GALNT18: variants seen among roughly 807,000 people sequenced by gnomAD.
GALNT18 encodes the protein GalNAc-transferase 18.
A neutral mutation model predicts 69.5 loss-of-function variants in GALNT18; 44 were observed. The observed-to-expected ratio is 0.63, with a 90% confidence interval of 0.50 to 0.81. The LOEUF is 0.81. GALNT18 is among the 40% of genes least tolerant of loss of function. The pLI is 0.00. For missense variants in GALNT18, 715 were observed against 810.0 expected (o/e 0.88, Z 1.42); for synonymous variants, 364 against 318.2 (o/e 1.14, Z -1.53).
At chr11:11,391,621 C>T (rs1854192594) in intron 3 of GALNT18, among the ~76,000 whole-genome samples, 1 of 152,230 alleles carries the variant, frequency 6.6e-6, no homozygotes. Flanking sequence ...ACTGCAATCT[C>T]CTGAGGCAGG....
intron 7 of GALNT18, among the ~76,000 whole-genome samples, chr11:11,334,399 C>T (rs934494196): frequency 2.6e-5 from 4 of 151,914 alleles, no homozygotes; most frequent in Admixed American, 1.3e-4. Context: ...AAAAATTAGC[C>T]GGGCATGGTG....
rs993312912 is a variant in GALNT18 at position 11,438,336 on chromosome 11, G to A, written c.429-5549C>T. 7.7e-4 allele frequency among the ~76,000 whole-genome samples: 118 copies of A among 152,284 alleles called. 1 individual carries two copies. Among genetic ancestry groups the A allele is most frequent in the African/African-American group, 2.8e-3 (115 of 41,548 alleles). ...ATCAAGACTGTCCCTCCTTCTGGCT[G>A]GTATCTGTATCCCCATAGCCTCTGG... On this transcript the variant is annotated intron_variant, in intron 2 of 10. Coordinates refer to ENST00000227756, the MANE Select transcript of GALNT18 (RefSeq NM_198516.3).
At chr11:11,298,959 C>T (rs954026475) in intron 9 of GALNT18, among the ~76,000 whole-genome samples, 1 of 152,176 alleles carries the variant, frequency 6.6e-6, no homozygotes, top group Non-Finnish European at 1.5e-5. Flanking sequence ...CCGCCTCCAA[C>T]CTCCACCAGG....
At chr11:11,346,747 G>A (rs1484536584) in intron 6 of GALNT18, among the ~76,000 whole-genome samples, 3 of 152,080 alleles carry the variant, frequency 2.0e-5, no homozygotes, top group Non-Finnish European at 2.9e-5. Flanking sequence ...CTGGGGCAGA[G>A]CAAAATCACA....
intron 9 of GALNT18, among the ~76,000 whole-genome samples, chr11:11,306,091 C>T (rs1173881708): frequency 6.6e-6 from 1 of 152,184 alleles, no homozygotes; most frequent in African/African-American, 2.4e-5. Flanking sequence ...ATGTCTAGAC[C>T]TTACCTGGTC....
At chr11:11,316,354 C>CA (rs1300663975) in intron 9 of GALNT18, among the ~76,000 whole-genome samples, 1 of 152,100 alleles carries the variant, frequency 6.6e-6, no homozygotes, top group Non-Finnish European at 1.5e-5. Flanking sequence ...TCTTGGCACA[C>CA]AAAGGAAAAC....
In GALNT18 at chr11:11,385,327, G is replaced by A. The variant is rs1223617953; in HGVS notation, c.596-6063C>T. ...TTTTTTTTTTTTGAGACAGAGTCTC[G>A]CTCTGTTGCCCAGGATGGAGTGCAG... is the stretch of plus-strand genomic sequence containing the variant. On this transcript the variant is annotated intron_variant, in intron 3 of 10. Coordinates refer to ENST00000227756, the MANE Select transcript of GALNT18 (RefSeq NM_198516.3). Among the ~76,000 whole-genome samples, 166 of 147,934 alleles carry A rather than the reference G, an allele frequency of 1.1e-3. 1 individual carries two copies. The highest frequency in any genetic ancestry group is 3.7e-3 in the African/African-American group (148 of 40,086).
In GALNT18 at chr11:11,620,222, G is replaced by A. The variant is rs565312372; in HGVS notation, c.235+1137C>T. 4.1e-3 allele frequency among the ~76,000 whole-genome samples: 629 copies of A among 152,212 alleles called. 7 individuals carry two copies. The highest frequency in any genetic ancestry group is 4.4e-3 in the Non-Finnish European group (300 of 67,982). ...CCCCTGAGCCTGGTGGGCCTGCTAG[G>A]TTTACAGGGGAACCAAGCTCGGCCC... is the stretch of plus-strand genomic sequence containing the variant. On this transcript the variant is annotated intron_variant, in intron 1 of 10. Transcript: ENST00000227756. The surrounding 1 kb of genome is among the most constrained non-coding windows in gnomAD (Gnocchi z 6.9).
chr11:11,581,011 C>T (rs947012540), intron 1 of GALNT18, among the ~76,000 whole-genome samples: 4 of 152,242 alleles, frequency 2.6e-5, no homozygotes, highest in East Asian at 1.9e-4. Flanking sequence ...CAGCTCCCTG[C>T]GGCCGTTGGA....
At chr11:11,343,196 A>G (rs913816494) in intron 6 of GALNT18, among the ~76,000 whole-genome samples, 4 of 151,808 alleles carry the variant, frequency 2.6e-5, no homozygotes, top group African/African-American at 9.7e-5. Flanking sequence ...ATTTCAAAAA[A>G]AGTTACCCGG....
At chr11:11,367,313 T>C (rs992555194) in intron 6 of GALNT18, among the ~76,000 whole-genome samples, 1 of 152,196 alleles carries the variant, frequency 6.6e-6, no homozygotes, top group Non-Finnish European at 1.5e-5. Context: ...ATTATAACAG[T>C]AGACCATATT....
intron 1 of GALNT18, among the ~76,000 whole-genome samples, chr11:11,521,060 T>C (rs1250749176): frequency 4.0e-5 from 6 of 151,700 alleles, no homozygotes; most frequent in Non-Finnish European, 7.4e-5. Context: ...CATCTCTCAC[T>C]GGGGCTGACA....
rs187444303 is a variant in GALNT18, at chr11:11,616,800, C to T, written c.235+4559G>A. On this transcript the variant is annotated intron_variant, in intron 1 of 10. Transcript: ENST00000227756. This position sits in a 1 kb window ranked among gnomAD's most constrained non-coding sequence, Gnocchi z 4.4. ...ACACTATTTGTACTTGTCACTGTAA[C>T]GGCATAACCTAATCACGTATTATAT... is the stretch of plus-strand genomic sequence containing the variant. Among the ~76,000 whole-genome samples, 45 of 152,288 alleles carry T rather than the reference C, an allele frequency of 3.0e-4. No individual in the cohort carries two copies. Among genetic ancestry groups the T allele is most frequent in the Non-Finnish European group, 5.7e-4 (39 of 68,022 alleles).
intron 6 of GALNT18, among the ~76,000 whole-genome samples, chr11:11,367,530 A>G (rs1487129): frequency 0.24 from 36,792 of 151,996 alleles, 5,048 homozygotes; most frequent in Middle Eastern, 0.32. Flanking sequence ...GGAGTGATTC[A>G]CAGTTGGGGC....
In GALNT18 at chr11:11,603,250, G is replaced by A. The variant is rs148839310; in HGVS notation, c.235+18109C>T. On this transcript the variant is annotated intron_variant, in intron 1 of 10. Transcript: ENST00000227756. The surrounding 1 kb of genome is among the most constrained non-coding windows in gnomAD (Gnocchi z 4.5). ...GACTAAGTGTTGCCACATAAGAACC[G>A]TCCTCCAAGGCTGTAAACAGATTGT... is the stretch of plus-strand genomic sequence containing the variant. Among the ~76,000 whole-genome samples the A allele has an allele frequency of 8.0e-3, 1,214 of 152,226 alleles. 22 individuals are homozygous for A. Among genetic ancestry groups the A allele is most frequent in the African/African-American group, 0.028 (1,150 of 41,530 alleles).
At chr11:11,567,622 C>T (rs1858685155) in intron 1 of GALNT18, among the ~76,000 whole-genome samples, 1 of 152,180 alleles carries the variant, frequency 6.6e-6, no homozygotes, top group Admixed American at 6.5e-5. Context: ...CCAGCCAGCC[C>T]CACCAGGAGA....
Position 11,379,209 on chromosome 11 carries a change from T to C in GALNT18, c.651A>G (p.Pro217=), listed in dbSNP as rs775002438. The C allele has an allele frequency of 5.0e-6, 8 of 1,613,054 alleles. No individual in the cohort carries two copies. The highest frequency in any genetic ancestry group is 2.7e-5 in the African/African-American group (2 of 74,904). Residue 217 remains proline (P), a synonymous_variant, in exon 4 of 11, where the codon CCA becomes CCG. Transcript: ENST00000227756. ...TGTGACGCACGACTTTGATGAAGCC[T>C]GGCTTCTGGCTGTTCACCTTGTCCA... is the stretch of plus-strand genomic sequence containing the variant. The part of the protein sequence containing the change: ...EYVDKVNSQK[P]GFIKVVRHSK...
intron 6 of GALNT18, among the ~76,000 whole-genome samples, chr11:11,346,994 C>A (rs747001003): frequency 6.6e-6 from 1 of 152,134 alleles, no homozygotes; most frequent in Non-Finnish European, 1.5e-5. Flanking sequence ...CAAGCTCCCA[C>A]GAGCAAAGGC....
At chr11:11,464,165 G>A (rs765734191) in intron 1 of GALNT18, among the ~76,000 whole-genome samples, 1 of 152,208 alleles carries the variant, frequency 6.6e-6, no homozygotes, top group East Asian at 1.9e-4. Context: ...GTCAGGCAAG[G>A]CTTCTTCAGT....
Sources: allele counts gnomAD v4.1 joint callset (sites outside exome capture counted in the v4.1 genomes callset), GRCh38; gene constraint gnomAD v4.1.1; non-coding constraint Gnocchi (gnomAD v3.1); transcripts MANE v1.5; gene names NCBI Gene and HGNC (gene_info 2026-07-23, HGNC 2026-07-21).